The following SPDYA variants were observed in gnomAD, a reference collection of about 807,000 sequenced individuals.
SPDYA encodes the protein speedy protein A.
SPDYA carries 11 observed loss-of-function variants against 36.7 expected under a neutral mutation model. The ratio of observed to expected loss-of-function variants is 0.30; its 90% CI spans 0.19 to 0.50. The LOEUF (loss-of-function observed/expected upper bound fraction) is 0.50. Ranked by LOEUF, SPDYA falls within the 20% of genes least tolerant of loss-of-function variation. The pLI is 0.98. For synonymous variants in SPDYA, 115 were observed against 118.7 expected (o/e 0.97, Z 0.20); for missense variants, 287 against 370.9 (o/e 0.77, Z 1.86).
intron 5 of SPDYA, among the ~76,000 whole-genome samples, chr2:28,824,613 C>T (rs1304834643): frequency 7.1e-6 from 1 of 139,978 alleles, no homozygotes; most frequent in Non-Finnish European, 1.5e-5. Context: ...GTGGCATTAT[C>T]TCAGCTTGCT....
chr2:28,827,741 G>A (rs1038400316), intron 5 of SPDYA, among the ~76,000 whole-genome samples: 14 of 152,006 alleles, frequency 9.2e-5, no homozygotes, highest in Admixed American at 3.9e-4. Context: ...CATGTTTCAT[G>A]TGCTTTGAGG....
At chr2:28,822,515 C>T (rs1050226706) in intron 5 of SPDYA, 105 bp downstream of exon 5, 1 of 479,604 alleles carries the variant, frequency 2.1e-6, no homozygotes, top group Non-Finnish European at 3.6e-6. Flanking sequence ...TTTGAATAGG[C>T]CTTCCTGTAT....
intron 7 of SPDYA, among the ~76,000 whole-genome samples, chr2:28,844,878 A>G (rs965464424): frequency 7.9e-5 from 12 of 152,160 alleles, no homozygotes; most frequent in African/African-American, 2.9e-4. Context: ...GGTTGCAGTG[A>G]GCCAAAATCA....
At chr2:28,843,455 C>T (rs1668795221) in intron 7 of SPDYA, among the ~76,000 whole-genome samples, 1 of 150,584 alleles carries the variant, frequency 6.6e-6, no homozygotes, top group Non-Finnish European at 1.5e-5. Context: ...GAGGCTGAGG[C>T]AGGAGAATCG....
rs1668283606 is a variant in SPDYA at position 28,825,018 on chromosome 2, C to A, written c.380+2608C>A. The stretch of plus-strand genomic sequence containing the variant: ...TGTAGTATTAACTCATTTAATTTTC[C>A]CTATGAAATAAATTTTTTATTATCC... On this transcript the variant is annotated intron_variant, in intron 5 of 7. Coordinates refer to ENST00000334056, the MANE Select transcript of SPDYA (RefSeq NM_182756.4). Among the ~76,000 whole-genome samples, 3 of 151,896 alleles carry A rather than the reference C, an allele frequency of 2.0e-5. No homozygotes were observed. In the South Asian group the frequency reaches 6.2e-4, roughly 32 times the overall value.
rs1667838372 is a variant in SPDYA, at chr2:28,811,359, G to C, written c.-93+412G>C. 2.0e-5 allele frequency among the ~76,000 whole-genome samples: 3 copies of C among 152,204 alleles called. No homozygotes were observed. The South Asian group carries it at 6.2e-4, about 31-fold the overall frequency. Reference sequence around the variant, plus strand: ...ACGTGTGCCTGCCGCCTTTATTGTGGGAGGAATGGAGATTTGGGGGGTCTT... The same window carrying C: ...ACGTGTGCCTGCCGCCTTTATTGTGCGAGGAATGGAGATTTGGGGGGTCTT... On this transcript the variant is annotated intron_variant, in intron 1 of 7. Coordinates refer to ENST00000334056, the MANE Select transcript of SPDYA (RefSeq NM_182756.4). This position sits in a 1 kb window ranked among gnomAD's most constrained non-coding sequence, Gnocchi z 4.2.
At chr2:28,812,098 T>C (rs995825718) in intron 1 of SPDYA, among the ~76,000 whole-genome samples, 2 of 152,274 alleles carry the variant, frequency 1.3e-5, no homozygotes, top group African/African-American at 4.8e-5. Context: ...TCACTTACTA[T>C]GAGCCTTTGG....
chr2:28,835,470 C>T (rs1668572549), intron 6 of SPDYA, among the ~76,000 whole-genome samples: 1 of 152,206 alleles, frequency 6.6e-6, no homozygotes, highest in Non-Finnish European at 1.5e-5. Flanking sequence ...CTCCTGATCT[C>T]AAGTGATCCA....
intron 4 of SPDYA, among the ~76,000 whole-genome samples, chr2:28,820,546 A>G (rs1668131725): frequency 6.6e-6 from 1 of 152,194 alleles, no homozygotes; most frequent in Non-Finnish European, 1.5e-5. Context: ...AGACCGAGCC[A>G]CTGCACTCCA....
chr2:28,821,426 C>T (rs1284377572), intron 4 of SPDYA, among the ~76,000 whole-genome samples: 1 of 152,058 alleles, frequency 6.6e-6, no homozygotes, highest in Non-Finnish European at 1.5e-5. Context: ...TGGTCTTGAA[C>T]TCCTGACCTT....
At chr2:28,815,048 G>A (rs1043475166) in intron 2 of SPDYA, among the ~76,000 whole-genome samples, 25 of 152,134 alleles carry the variant, frequency 1.6e-4, no homozygotes, top group African/African-American at 5.6e-4. Context: ...TTGGGAAGCT[G>A]AGGCGAGAGG....
intron 1 of SPDYA, among the ~76,000 whole-genome samples, chr2:28,812,771 C>T (rs914323016): frequency 6.7e-6 from 1 of 148,966 alleles, no homozygotes; most frequent in East Asian, 2.0e-4. Context: ...GCTGGAGAAT[C>T]GCTTGAACCC....
Position 28,850,009 on chromosome 2 carries a change from C to A in SPDYA, c.*68C>A. On this transcript the variant is annotated 3_prime_UTR_variant, in exon 8 of 8. Transcript: ENST00000334056. Reference sequence around the variant, plus strand: ...GTCAAACTAACTGCAAGACAAGTGTCAAAATGGGATGTTTAAGCAGTTTTG... The same window carrying A: ...GTCAAACTAACTGCAAGACAAGTGTAAAAATGGGATGTTTAAGCAGTTTTG... 3.8e-6 allele frequency: 5 copies of A among 1,331,266 alleles called. No individual in the cohort carries two copies. Among genetic ancestry groups the A allele is most frequent in the South Asian group, 1.3e-5 (1 of 78,758 alleles). 82.5% of individuals were successfully genotyped at this position (1,331,266 alleles called of 1,614,324 possible).
chr2:28,833,708 A>C lies in SPDYA; in HGVS notation c.552+4389A>C, dbSNP rs1413241343. On this transcript the variant is annotated intron_variant, in intron 6 of 7. Coordinates refer to ENST00000334056, the MANE Select transcript of SPDYA (RefSeq NM_182756.4). The stretch of plus-strand genomic sequence containing the variant: ...GAACCTCTGGTTTATACCATATATA[A>C]AAATTAACTCAAAATGGATCAAAGA... Among the ~76,000 whole-genome samples the C allele has an allele frequency of 1.3e-5, 2 of 152,222 alleles. 1 individual carries two copies.
At chr2:28,845,249 CTTTTT>C (rs372229883) in intron 7 of SPDYA, among the ~76,000 whole-genome samples, 1 of 132,574 alleles carries the variant, frequency 7.5e-6, no homozygotes, top group Non-Finnish European at 1.6e-5. Context: ...CCATGCCCAG[CTTTTT>C]TTTTTTTTTT....
At chr2:28,849,346 C>T (rs1056709426) in intron 7 of SPDYA, among the ~76,000 whole-genome samples, 1 of 152,128 alleles carries the variant, frequency 6.6e-6, no homozygotes, top group Non-Finnish European at 1.5e-5. Flanking sequence ...GGCTGGAGTG[C>T]AGTGGCACAG....
At chr2:28,838,758 G>A (rs1368999526) in intron 6 of SPDYA, among the ~76,000 whole-genome samples, 3 of 152,098 alleles carry the variant, frequency 2.0e-5, no homozygotes, top group African/African-American at 7.2e-5. Flanking sequence ...GATCACTTGA[G>A]GTCAGGCATT....
In SPDYA at chr2:28,830,344, C is replaced by A. The variant is rs1298623841; in HGVS notation, c.552+1025C>A. Among the ~76,000 whole-genome samples, 25 of 151,728 alleles carry A rather than the reference C, an allele frequency of 1.6e-4. No individual in the cohort carries two copies. The East Asian group carries it at 4.9e-3, about 30-fold the overall frequency. On this transcript the variant is annotated intron_variant, in intron 6 of 7. Coordinates refer to ENST00000334056, the MANE Select transcript of SPDYA (RefSeq NM_182756.4). ...TCAGCCTCCCAATTAGCTGGGACTA[C>A]AGGCGCCCGCCACCATGCCTGGCTA...
chr2:28,834,637 A>G (rs915312761), intron 6 of SPDYA, among the ~76,000 whole-genome samples: 1 of 152,246 alleles, frequency 6.6e-6, no homozygotes, highest in African/African-American at 2.4e-5. Context: ...GACATATTGT[A>G]TGATTCCATT....
Sources: allele counts gnomAD v4.1 joint callset (sites outside exome capture counted in the v4.1 genomes callset), GRCh38; gene constraint gnomAD v4.1.1; non-coding constraint Gnocchi (gnomAD v3.1); transcripts MANE v1.5; gene names NCBI Gene and HGNC (gene_info 2026-07-23, HGNC 2026-07-21).